B3GNT2: variants seen among roughly 807,000 people sequenced by gnomAD.
B3GNT2 encodes the protein UDP-GlcNAc:betaGal beta-1,3-N-acetylglucosaminyltransferase 2, also known as N-acetyllactosaminide beta-1,3-N-acetylglucosaminyltransferase 2.
B3GNT2 carries 12 observed loss-of-function variants against 27.6 expected under a neutral mutation model. The observed-to-expected ratio is 0.44, with a 90% CI of 0.28 to 0.71. The LOEUF is 0.71. Among genes scored for constraint, B3GNT2 ranks in the 30% least tolerant of loss-of-function variants. The pLI is 0.17. For synonymous variants in B3GNT2, 192 were observed against 189.7 expected (o/e 1.01, Z -0.10); for missense variants, 413 against 488.5 (o/e 0.85, Z 1.46).
chr2:62,214,660 T>C (rs993136299), intron 1 of B3GNT2, among the ~76,000 whole-genome samples: 5 of 152,196 alleles, frequency 3.3e-5, no homozygotes, highest in African/African-American at 1.2e-4. Flanking sequence ...GTTTAGGGTT[T>C]GGTGGAAAAG....
Position 62,196,150 on chromosome 2 carries a change from G to C in B3GNT2, c.-215G>C, listed in dbSNP as rs1016874673. Reference sequence around the variant, plus strand: ...GAGGCGCAGCGGCAGCGGCAGCAGCGGCAACAAGTGCCGGAGGCTAGCAGA... The same window carrying C: ...GAGGCGCAGCGGCAGCGGCAGCAGCCGCAACAAGTGCCGGAGGCTAGCAGA... On this transcript the variant is annotated 5_prime_UTR_variant, in exon 1 of 2. Coordinates refer to ENST00000301998, the MANE Select transcript of B3GNT2 (RefSeq NM_006577.6). 10 of 151,442 alleles carry C rather than the reference G, an allele frequency of 6.6e-5. No individual in the cohort carries two copies. The highest frequency in any genetic ancestry group is 9.7e-5 in the African/African-American group (4 of 41,184). 9.4% of individuals were successfully genotyped at this position (151,442 alleles called of 1,614,324 possible). A position where few individuals can be genotyped will look rare whatever the true frequency, so the allele number is the denominator to read the frequency against.
chr2:62,210,154 T>C (rs774631231), intron 1 of B3GNT2, among the ~76,000 whole-genome samples: 5 of 152,186 alleles, frequency 3.3e-5, no homozygotes, highest in Non-Finnish European at 7.3e-5. Flanking sequence ...ATAATTTTGG[T>C]ACCTTAATTT....
chr2:62,212,416 C>T (rs1674498239), intron 1 of B3GNT2, among the ~76,000 whole-genome samples: 1 of 152,036 alleles, frequency 6.6e-6, no homozygotes, highest in Non-Finnish European at 1.5e-5. Context: ...ATCTGGTGAG[C>T]TAGCCACCTG....
In B3GNT2 at chr2:62,220,043, C is replaced by T. The variant is rs550132201; in HGVS notation, c.-9-2169C>T. On this transcript the variant is annotated intron_variant, in intron 1 of 1. Transcript: ENST00000301998. ...GATCTTGTGGCCTCTGGCCACATGA[C>T]TTCTGAGCAATACGGGATTATAAAA... is the stretch of plus-strand genomic sequence containing the variant. 5.3e-5 allele frequency among the ~76,000 whole-genome samples: 8 copies of T among 152,362 alleles called. No homozygotes were observed. In the South Asian group the frequency reaches 1.7e-3, roughly 32 times the overall value.
intron 1 of B3GNT2, among the ~76,000 whole-genome samples, chr2:62,209,499 C>T (rs1251844521): frequency 1.3e-5 from 2 of 152,160 alleles, no homozygotes; most frequent in Non-Finnish European, 2.9e-5. Flanking sequence ...ATGAGGTAAG[C>T]CAGGCGTGGT....
At chr2:62,200,281 A>G (rs1485211368) in intron 1 of B3GNT2, among the ~76,000 whole-genome samples, 1 of 150,176 alleles carries the variant, frequency 6.7e-6, no homozygotes, top group African/African-American at 2.4e-5. Flanking sequence ...GTGCATCTAT[A>G]ACTTAAAAAA....
At chr2:62,217,178 G>A (rs1380757121) in intron 1 of B3GNT2, among the ~76,000 whole-genome samples, 7 of 152,258 alleles carry the variant, frequency 4.6e-5, no homozygotes. Flanking sequence ...GTTACTTTAA[G>A]AAGATTAACC....
chr2:62,211,260 G>A (rs1252282730), intron 1 of B3GNT2, among the ~76,000 whole-genome samples: 4 of 152,176 alleles, frequency 2.6e-5, no homozygotes, highest in South Asian at 4.1e-4. Flanking sequence ...ATGCTGAAGT[G>A]TGGGGGCATC....
chr2:62,200,119 C>T (rs1481450977), intron 1 of B3GNT2, among the ~76,000 whole-genome samples: 1 of 152,182 alleles, frequency 6.6e-6, no homozygotes, highest in Non-Finnish European at 1.5e-5. Flanking sequence ...TGAGTATTAA[C>T]AACCTCTGCC....
Position 62,219,436 on chromosome 2 carries a change from A to G in B3GNT2, c.-9-2776A>G, listed in dbSNP as rs1203162881. Among the ~76,000 whole-genome samples the G allele has an allele frequency of 3.3e-5, 5 of 152,126 alleles. No homozygotes were observed. The East Asian group carries it at 9.6e-4, about 29-fold the overall frequency. On this transcript the variant is annotated intron_variant, in intron 1 of 1. Coordinates refer to ENST00000301998, the MANE Select transcript of B3GNT2 (RefSeq NM_006577.6). ...GCTTGGACTACAGGAGTGCACCACCATGCCTTTTTTGTATTTTTAGTAGAG... is the reference window on the plus strand; with the variant it reads ...GCTTGGACTACAGGAGTGCACCACCGTGCCTTTTTTGTATTTTTAGTAGAG...
Position 62,223,560 on chromosome 2 carries a change from T to C in B3GNT2, c.*146T>C. The C allele has an allele frequency of 1.5e-6, 1 of 685,260 alleles. No individual in the cohort carries two copies. The highest frequency in any genetic ancestry group is 2.5e-6 in the Non-Finnish European group (1 of 407,522). The allele number at this position is 685,260 out of a possible 1,614,324, so 42.4% of individuals were successfully genotyped here. On this transcript the variant is annotated 3_prime_UTR_variant, in exon 2 of 2. Coordinates refer to ENST00000301998, the MANE Select transcript of B3GNT2 (RefSeq NM_006577.6). Reference sequence around the variant, plus strand: ...TTTGAGGGCCTCTAAACCCTTCAATTTGGTACTCACGTGAAGAGGGAAAGC... The same window carrying C: ...TTTGAGGGCCTCTAAACCCTTCAATCTGGTACTCACGTGAAGAGGGAAAGC...
In B3GNT2 at chr2:62,222,547, TAACAACTTG is replaced by T. The variant is rs760273324; in HGVS notation, c.328_336del (p.Asn110_Leu112del). 2 of 1,614,168 alleles carry T rather than the reference TAACAACTTG, an allele frequency of 1.2e-6. No homozygotes were observed. The highest frequency in any genetic ancestry group is 1.7e-6 in the Non-Finnish European group (2 of 1,180,032). On this transcript the variant is annotated inframe_deletion, in exon 2 of 2. Transcript: ENST00000301998. This position sits in a 1 kb window ranked among gnomAD's most constrained non-coding sequence, Gnocchi z 4.2. ...GGGTCACGTCGGTGGTTACGGGTTT[TAACAACTTG>T]CCGGACAGATTTAAAGACTTTCTGC...
At chr2:62,205,871 G>A (rs562476328) in intron 1 of B3GNT2, 43 of 154,358 alleles carry the variant, frequency 2.8e-4, no homozygotes, top group Admixed American at 1.4e-3. Flanking sequence ...CTCCTGGGAA[G>A]CATGGTAGCC....
At chr2:62,218,844 C>T (rs558595182) in intron 1 of B3GNT2, among the ~76,000 whole-genome samples, 1 of 152,308 alleles carries the variant, frequency 6.6e-6, no homozygotes, top group South Asian at 2.1e-4. Flanking sequence ...GTGGTGTTCC[C>T]GGGAAGGCCA....
At chr2:62,216,408 TTTTG>T (rs1259021643) in intron 1 of B3GNT2, among the ~76,000 whole-genome samples, 4 of 136,804 alleles carry the variant, frequency 2.9e-5, no homozygotes, top group African/African-American at 1.3e-4. Context: ...TTTTCTTTTT[TTTTG>T]TTTTTTTTAA....
At chr2:62,199,871 TG>T (rs1475660182) in intron 1 of B3GNT2, among the ~76,000 whole-genome samples, 1 of 152,222 alleles carries the variant, frequency 6.6e-6, no homozygotes, top group Non-Finnish European at 1.5e-5. Context: ...AATTACTGTT[TG>T]AATAAGAGGT....
intron 1 of B3GNT2, among the ~76,000 whole-genome samples, chr2:62,219,625 T>C (rs1313479175): frequency 1.3e-5 from 2 of 152,146 alleles, no homozygotes; most frequent in Non-Finnish European, 2.9e-5. Flanking sequence ...CCATCACACA[T>C]TTCCTGTTGC....
intron 1 of B3GNT2, among the ~76,000 whole-genome samples, chr2:62,205,428 G>T (rs757587160): frequency 6.6e-6 from 1 of 152,120 alleles, no homozygotes; most frequent in Non-Finnish European, 1.5e-5. Context: ...TTTTTTTGAG[G>T]ATACGTATTT....
chr2:62,210,419 A>G (rs1314688904), intron 1 of B3GNT2, among the ~76,000 whole-genome samples: 3 of 152,202 alleles, frequency 2.0e-5, no homozygotes, highest in Admixed American at 1.3e-4. Context: ...AAGGAAGCAT[A>G]TGAAAAGATG....
Sources: allele counts gnomAD v4.1 joint callset (sites outside exome capture counted in the v4.1 genomes callset), GRCh38; gene constraint gnomAD v4.1.1; non-coding constraint Gnocchi (gnomAD v3.1); transcripts MANE v1.5; gene names NCBI Gene and HGNC (gene_info 2026-07-23, HGNC 2026-07-21).